CASP9: variants seen among roughly 807,000 people sequenced by gnomAD.
The protein encoded by CASP9 is caspase 9.
A neutral mutation model predicts 43.5 loss-of-function variants in CASP9; 29 were observed. That is an observed-to-expected ratio of 0.67 (90% CI 0.50 to 0.91). The LOEUF (loss-of-function observed/expected upper bound fraction) is 0.91. Among genes scored for constraint, CASP9 ranks in the 40% least tolerant of loss-of-function variants. The pLI is 0.00. For synonymous variants in CASP9, 206 were observed against 211.9 expected, an observed-to-expected ratio of 0.97 and a Z score of 0.24; for missense variants, 575 against 537.4, an observed-to-expected ratio of 1.07 and a Z score of -0.69.
intron 5 of CASP9, 34 bp from the exon 6 acceptor site, chr1:15,504,792 G>C: frequency 6.3e-7 from 1 of 1,595,552 alleles, no homozygotes; most frequent in Non-Finnish European, 8.5e-7. Flanking sequence ...ACAAAACCAA[G>C]AAGTTGGAGT....
At chr1:15,509,387 G>A (rs1709648225) in intron 2 of CASP9, among the ~76,000 whole-genome samples, 1 of 151,412 alleles carries the variant, frequency 6.6e-6, no homozygotes, top group Non-Finnish European at 1.5e-5. Context: ...CACTTTGGGA[G>A]GCAGATCACC....
chr1:15,518,267 C>A lies in CASP9; in HGVS notation c.261G>T (p.Ser87=). 6.2e-7 allele frequency: 1 copy of A among 1,614,192 alleles called. No individual in the cohort carries two copies. The highest frequency in any genetic ancestry group is 1.1e-5 in the South Asian group (1 of 91,088). ...LEDTGQDMLA[S]FLRTNRQAAK... ...CTGCTTGCCTGTTAGTTCGCAGAAA[C>A]GAAGCCAGCATGTCCTGGCCTGTGT... Residue 87 remains serine, a synonymous_variant, in exon 2 of 9, where the codon TCG becomes TCT. Coordinates refer to ENST00000333868, the MANE Select transcript of CASP9 (RefSeq NM_001229.5).
chr1:15,518,072 T>C (rs1226006266), intron 2 of CASP9, 38 bp downstream of exon 2: 2 of 1,606,558 alleles, frequency 1.2e-6, no homozygotes, highest in African/African-American at 1.3e-5. Flanking sequence ...AATGACTACG[T>C]GTCATGCCCA....
In CASP9 at chr1:15,498,359, A is replaced by AT. The variant is rs34667779; in HGVS notation, c.869-2908dup. On this transcript the variant is annotated intron_variant, in intron 6 of 8. Coordinates refer to ENST00000333868, the MANE Select transcript of CASP9 (RefSeq NM_001229.5). Reference sequence around the variant, plus strand: ...CTCCCAAAGTGCTGGGATTACAGGCATTTTTTTTTTTAAGAGACACACTTT... The same window carrying AT: ...CTCCCAAAGTGCTGGGATTACAGGCATTTTTTTTTTTTAAGAGACACACTTT... 3.9e-3 allele frequency among the ~76,000 whole-genome samples: 582 copies of AT among 148,080 alleles called. 5 individuals are homozygous for AT. The highest frequency in any genetic ancestry group is 0.017 in the Middle Eastern group (5 of 286).
chr1:15,521,331 C>G lies in CASP9; in HGVS notation c.132+2738G>C, dbSNP rs1174922758. On this transcript the variant is annotated intron_variant, in intron 1 of 8. Transcript: ENST00000333868. ...TGGAGGCGTCAGGGAGCACTCTGCT[C>G]CACCAGCTTCTTGTGGGAGGCTGGA... Among the ~76,000 whole-genome samples, 4 of 151,904 alleles carry G rather than the reference C, an allele frequency of 2.6e-5. 1 individual carries two copies. In the East Asian group the frequency reaches 7.7e-4, roughly 29 times the overall value.
chr1:15,518,383 C>T lies in CASP9; in HGVS notation c.145G>A (p.Gly49Arg). ...TGCCTGGCCTGATCCCGCCGAGATC[C>T]AGAGCCTGCCCGCTGTTTGGAAAGA... ...MIEDIQRAGSGSRRDQARQLI... is the reference protein window; with the variant it reads ...MIEDIQRAGSRSRRDQARQLI... The change falls in exon 2 of 9, where the codon GGA becomes AGA. Residue 49 changes from glycine (G) to arginine (R), a missense_variant. Physicochemically the swap from Gly to Arg is moderately radical, Grantham distance 125. Coordinates refer to ENST00000333868, the MANE Select transcript of CASP9 (RefSeq NM_001229.5). The T allele has an allele frequency of 6.2e-7, 1 of 1,610,738 alleles. No homozygotes were observed. The highest frequency in any genetic ancestry group is 8.5e-7 in the Non-Finnish European group (1 of 1,177,572).
chr1:15,502,713 A>G (rs1054450215), intron 6 of CASP9, among the ~76,000 whole-genome samples: 2 of 152,184 alleles, frequency 1.3e-5, no homozygotes, highest in Admixed American at 1.3e-4. Context: ...TGGATGGGGC[A>G]TGGGAGGAGC....
chr1:15,515,874 G>A (rs944827220), intron 2 of CASP9, among the ~76,000 whole-genome samples: 1 of 152,048 alleles, frequency 6.6e-6, no homozygotes, highest in Non-Finnish European at 1.5e-5. Context: ...TGGGCAACAC[G>A]GTAAGACCCT....
intron 2 of CASP9, among the ~76,000 whole-genome samples, chr1:15,510,048 A>C (rs1242724165): frequency 6.6e-6 from 1 of 152,238 alleles, no homozygotes; most frequent in South Asian, 2.1e-4. Context: ...CTCCTGCCTC[A>C]GCCTCCCAAG....
At chr1:15,504,893 G>A in intron 5 of CASP9, 135 bp from the exon 6 acceptor site, 1 of 820,078 alleles carries the variant, frequency 1.2e-6, no homozygotes, top group Non-Finnish European at 1.9e-6. Flanking sequence ...GACAGAGCAG[G>A]TTGGTTCTGG....
chr1:15,500,308 A>G (rs916589836), intron 6 of CASP9, among the ~76,000 whole-genome samples: 2 of 152,198 alleles, frequency 1.3e-5, no homozygotes, highest in African/African-American at 4.8e-5. Context: ...TGAGAGAGAC[A>G]GCAAGTGCTG....
At chr1:15,506,363 G>A (rs1185137214) in intron 4 of CASP9, among the ~76,000 whole-genome samples, 2 of 152,118 alleles carry the variant, frequency 1.3e-5, no homozygotes, top group African/African-American at 4.8e-5. Flanking sequence ...GGCTGAGGCA[G>A]GAGAATTGCT....
chr1:15,495,325 T>C lies in CASP9; in HGVS notation c.996A>G (p.Ile332Met). 2 of 1,611,114 alleles carry C rather than the reference T, an allele frequency of 1.2e-6. No homozygotes were observed. The highest frequency in any genetic ancestry group is 1.7e-6 in the Non-Finnish European group (2 of 1,179,142). Residue 332 changes from isoleucine (I) to methionine (M), a missense_variant, in exon 7 of 9, where the codon ATA becomes ATG. Coordinates refer to ENST00000333868, the MANE Select transcript of CASP9 (RefSeq NM_001229.5). ...GLRTFDQLDA[I>M]SSLPTPSDIF... is the part of the protein sequence containing the mutation. ...TGTCACTGGGTGTGGGCAAACTAGATATGGCGTCCAGCTGGTCGAAGGTCC... is the reference window on the plus strand; with the variant it reads ...TGTCACTGGGTGTGGGCAAACTAGACATGGCGTCCAGCTGGTCGAAGGTCC...
At chr1:15,497,644 G>GA (rs71306992) in intron 6 of CASP9, among the ~76,000 whole-genome samples, 44,422 of 112,784 alleles carry the variant, frequency 0.39, 7,062 homozygotes, top group East Asian at 0.61. Context: ...TCTGTCTCAA[G>GA]AAAAAAAAAA....
chr1:15,507,720 G>C (rs1361818120), intron 3 of CASP9, 153 bp downstream of exon 3: 1 of 695,998 alleles, frequency 1.4e-6, no homozygotes, highest in Non-Finnish European at 2.5e-6. Context: ...GCAGGCGCTG[G>C]GCCGGAGTCA....
chr1:15,518,100 T>G lies in CASP9; in HGVS notation c.418+10A>C, dbSNP rs1326521312. 1 of 1,613,282 alleles carries G rather than the reference T, an allele frequency of 6.2e-7. No individual in the cohort carries two copies. Among genetic ancestry groups the G allele is most frequent in the Admixed American group, 1.7e-5 (1 of 60,014 alleles). On this transcript the variant is annotated intron_variant, in intron 2 of 8. Transcript: ENST00000333868. ...CATGCCCACCCACCAATCACTCTCT[T>G]GCTACTTACCGACATCACCAAATCC...
At chr1:15,494,862 C>CAAAAAAAAAAAA (rs563954013) in intron 7 of CASP9, among the ~76,000 whole-genome samples, 4 of 44,298 alleles carry the variant, frequency 9.0e-5, no homozygotes, top group African/African-American at 2.9e-4. Flanking sequence ...GATTCCATCT[C>CAAAAAAAAAAAA]AAAAAAAAAA....
chr1:15,515,892 C>T (rs1709928983), intron 2 of CASP9, among the ~76,000 whole-genome samples: 1 of 151,990 alleles, frequency 6.6e-6, no homozygotes, highest in African/African-American at 2.4e-5. Flanking sequence ...CCTATCTCTA[C>T]AAAAAATTTT....
At chr1:15,511,704 T>C (rs1709762800) in intron 2 of CASP9, among the ~76,000 whole-genome samples, 2 of 152,158 alleles carry the variant, frequency 1.3e-5, no homozygotes, top group South Asian at 4.1e-4. Context: ...ATGCCCAGCC[T>C]ACCTAGATAC....
Sources: gnomAD v4.1 joint callset for allele counts (sites outside exome capture counted in the v4.1 genomes callset) on GRCh38, gnomAD v4.1.1 for gene constraint, MANE v1.5 for transcripts, NCBI Gene and HGNC (gene_info 2026-07-23, HGNC 2026-07-21) for gene names.